Variants in SGCZ observed in about 807,000 individuals in gnomAD.
The protein encoded by SGCZ is zeta-sarcoglycan.
SGCZ carries 40 observed loss-of-function variants against 41.3 expected under a neutral mutation model. That is an observed-to-expected ratio of 0.97 (90% CI 0.75 to 1.26). The LOEUF (loss-of-function observed/expected upper bound fraction) is 1.26, where lower values mean the gene tolerates loss of function less well. Among genes scored for constraint, SGCZ ranks in the 50% most tolerant of loss-of-function variants. SGCZ has a pLI of 0.00. For synonymous variants in SGCZ, 206 were observed against 137.5 expected (o/e 1.50, Z -3.49); for missense variants, 552 against 369.8 (o/e 1.49, Z -4.04).
At chr8:14,443,437 A>T (rs2117376620) in intron 2 of SGCZ, among the ~76,000 whole-genome samples, 1 of 152,308 alleles carries the variant, frequency 6.6e-6, no homozygotes, top group East Asian at 1.9e-4. Context: ...TAACCAAAAC[A>T]GCATGGTACT....
intron 1 of SGCZ, among the ~76,000 whole-genome samples, chr8:15,060,863 G>T (rs1804899196): frequency 6.6e-6 from 1 of 152,060 alleles, no homozygotes; most frequent in Non-Finnish European, 1.5e-5. Context: ...CTGGGCAATG[G>T]CTGGAGCTCA....
At chr8:14,983,075 G>C (rs1053233464) in intron 1 of SGCZ, among the ~76,000 whole-genome samples, 1 of 152,120 alleles carries the variant, frequency 6.6e-6, no homozygotes, top group African/African-American at 2.4e-5. Flanking sequence ...GGTTGTTCTG[G>C]GGATTCAATG....
At chr8:14,617,397 T>G (rs1478523601) in intron 1 of SGCZ, among the ~76,000 whole-genome samples, 2 of 152,172 alleles carry the variant, frequency 1.3e-5, no homozygotes, top group South Asian at 4.1e-4. Flanking sequence ...ATTTTACTGT[T>G]CAAAATTATC....
intron 1 of SGCZ, among the ~76,000 whole-genome samples, chr8:14,965,304 A>C (rs771168012): frequency 2.0e-5 from 3 of 152,120 alleles, no homozygotes; most frequent in Non-Finnish European, 4.4e-5. Context: ...ACCTCCAGCC[A>C]ATCACTTTTC....
intron 2 of SGCZ, among the ~76,000 whole-genome samples, chr8:14,346,877 T>C (rs1340640721): frequency 6.6e-6 from 1 of 152,082 alleles, no homozygotes; most frequent in Non-Finnish European, 1.5e-5. Flanking sequence ...GGCGTTTCCT[T>C]TTTTTCTTTC....
At chr8:15,175,629 C>G (rs531731208) in intron 1 of SGCZ, among the ~76,000 whole-genome samples, 2 of 152,108 alleles carry the variant, frequency 1.3e-5, no homozygotes, top group East Asian at 3.9e-4. Context: ...GTATAACAAA[C>G]CCCCGTGACA....
intron 2 of SGCZ, among the ~76,000 whole-genome samples, chr8:14,409,850 T>A (rs1441844374): frequency 2.0e-5 from 3 of 152,196 alleles, no homozygotes; most frequent in Non-Finnish European, 4.4e-5. Flanking sequence ...CAATTTCATT[T>A]ACAAATATGA....
intron 1 of SGCZ, among the ~76,000 whole-genome samples, chr8:14,987,211 A>G (rs773531477): frequency 6.6e-6 from 1 of 151,908 alleles, no homozygotes; most frequent in Non-Finnish European, 1.5e-5. Context: ...TAGCACCAAA[A>G]AGTACATTAT....
chr8:14,257,234 G>A (rs73222825), intron 3 of SGCZ, among the ~76,000 whole-genome samples: 34,998 of 151,714 alleles, frequency 0.23, 4,639 homozygotes, highest in South Asian at 0.45. Flanking sequence ...GGCTGAGATG[G>A]GAGGATCACT....
intron 3 of SGCZ, among the ~76,000 whole-genome samples, chr8:14,323,882 C>A (rs887912043): frequency 1.3e-5 from 2 of 152,044 alleles, no homozygotes; most frequent in African/African-American, 2.4e-5. Context: ...AGAAAAGCTA[C>A]ACTGCAGGTT....
intron 2 of SGCZ, among the ~76,000 whole-genome samples, chr8:14,531,474 T>A (rs34627472): frequency 6.6e-6 from 1 of 151,700 alleles, no homozygotes; most frequent in Admixed American, 6.6e-5. Flanking sequence ...AAGAAACCAC[T>A]GGGCACCACT....
intron 1 of SGCZ, among the ~76,000 whole-genome samples, chr8:15,174,815 A>T (rs1325661741): frequency 6.6e-6 from 1 of 152,188 alleles, no homozygotes; most frequent in Non-Finnish European, 1.5e-5. Context: ...TTTTTTAAAC[A>T]TTAAAATTAT....
At chr8:14,139,006 G>A (rs1803286733) in intron 5 of SGCZ, among the ~76,000 whole-genome samples, 1 of 152,130 alleles carries the variant, frequency 6.6e-6, no homozygotes, top group African/African-American at 2.4e-5. Context: ...AGACCACAGT[G>A]CAATCAAATT....
At chr8:14,888,612 G>T (rs577740738) in intron 1 of SGCZ, among the ~76,000 whole-genome samples, 3 of 152,028 alleles carry the variant, frequency 2.0e-5, no homozygotes. Context: ...AATCATTAAC[G>T]TAAGATCCAA....
chr8:14,591,347 A>G (rs377262093), intron 1 of SGCZ, among the ~76,000 whole-genome samples: 9 of 152,092 alleles, frequency 5.9e-5, no homozygotes, highest in African/African-American at 1.9e-4. Flanking sequence ...CCCCTTTTAA[A>G]CAAATGAATT....
At chr8:14,499,868 C>T (rs1467788792) in intron 2 of SGCZ, among the ~76,000 whole-genome samples, 1 of 151,940 alleles carries the variant, frequency 6.6e-6, no homozygotes, top group African/African-American at 2.4e-5. Context: ...AAATAGTATG[C>T]TTTGAGAAAC....
chr8:15,004,931 C>T (rs1475899277), intron 1 of SGCZ, among the ~76,000 whole-genome samples: 1 of 152,180 alleles, frequency 6.6e-6, no homozygotes, highest in African/African-American at 2.4e-5. Flanking sequence ...ACCCCCAATT[C>T]TGAATCAGCA....
intron 4 of SGCZ, among the ~76,000 whole-genome samples, chr8:14,224,403 G>C (rs1244370841): frequency 6.6e-6 from 1 of 152,092 alleles, no homozygotes; most frequent in African/African-American, 2.4e-5. Context: ...AGACATAGAG[G>C]GAATATCTCT....
intron 3 of SGCZ, among the ~76,000 whole-genome samples, chr8:14,302,938 A>G (rs1230199409): frequency 1.3e-5 from 2 of 152,096 alleles, no homozygotes; most frequent in African/African-American, 2.4e-5. Context: ...CATGACCCCA[A>G]ACTTTCTTTC....
Sources: allele counts gnomAD v4.1 joint callset (sites outside exome capture counted in the v4.1 genomes callset), GRCh38; gene constraint gnomAD v4.1.1; transcripts MANE v1.5; gene names NCBI Gene and HGNC (gene_info 2026-07-23, HGNC 2026-07-21).